CNTNAP2: variants seen among roughly 807,000 people sequenced by gnomAD.
CNTNAP2 encodes the protein contactin associated protein 2.
A neutral mutation model predicts 155.2 loss-of-function variants in CNTNAP2; 98 were observed. That is an observed-to-expected ratio of 0.63 (90% confidence interval 0.54 to 0.75). CNTNAP2 has a LOEUF of 0.75. Ranked by LOEUF, CNTNAP2 falls within the 30% of genes least tolerant of loss-of-function variation. The pLI is 0.00. For missense variants in CNTNAP2, 1,727 were observed against 1,688.1 expected, an observed-to-expected ratio of 1.02 and a Z score of -0.40; for synonymous variants, 651 against 631.2, an observed-to-expected ratio of 1.03 and a Z score of -0.47.
At chr7:147,665,035 CAA>C (rs373896154) in intron 13 of CNTNAP2, among the ~76,000 whole-genome samples, 12 of 152,134 alleles carry the variant, frequency 7.9e-5, no homozygotes, top group African/African-American at 2.9e-4. Context: ...GTTGTAGATG[CAA>C]AGTTTGATTG....
intron 3 of CNTNAP2, among the ~76,000 whole-genome samples, chr7:146,853,647 T>C (rs1308688306): frequency 6.6e-6 from 1 of 152,206 alleles, no homozygotes; most frequent in East Asian, 1.9e-4. Context: ...CCAGGCTTTT[T>C]CCTTGGCTTT....
At chr7:147,325,031 C>T (rs1795426184) in intron 9 of CNTNAP2, among the ~76,000 whole-genome samples, 1 of 152,286 alleles carries the variant, frequency 6.6e-6, no homozygotes, top group African/African-American at 2.4e-5. Context: ...AGGCCTGGCA[C>T]AGTGGCTCAT....
intron 14 of CNTNAP2, among the ~76,000 whole-genome samples, chr7:147,951,079 T>C (rs1800922610): frequency 6.6e-6 from 1 of 152,182 alleles, no homozygotes; most frequent in South Asian, 2.1e-4. Context: ...ATCTGTATAC[T>C]CCTATCTTGG....
At chr7:146,187,446 A>G (rs1584793169) in intron 1 of CNTNAP2, among the ~76,000 whole-genome samples, 1 of 152,220 alleles carries the variant, frequency 6.6e-6, no homozygotes, top group Non-Finnish European at 1.5e-5. Context: ...ATTCTACTCC[A>G]TAGCACATAC....
intron 1 of CNTNAP2, among the ~76,000 whole-genome samples, chr7:146,420,364 C>T (rs1421624158): frequency 6.6e-6 from 1 of 152,018 alleles, no homozygotes; most frequent in African/African-American, 2.4e-5. Context: ...TCTGTCTCCC[C>T]CGTCACTGCC....
At chr7:146,410,985 C>T (rs1795856951) in intron 1 of CNTNAP2, among the ~76,000 whole-genome samples, 1 of 152,106 alleles carries the variant, frequency 6.6e-6, no homozygotes, top group African/African-American at 2.4e-5. Context: ...GGTATAAATA[C>T]CAAATTCTCT....
intron 3 of CNTNAP2, among the ~76,000 whole-genome samples, chr7:146,895,846 A>C (rs1037706881): frequency 1.3e-5 from 2 of 152,100 alleles, no homozygotes; most frequent in African/African-American, 4.8e-5. Flanking sequence ...TCAGTCCCCG[A>C]CGGCATAAAT....
intron 13 of CNTNAP2, among the ~76,000 whole-genome samples, chr7:147,678,633 A>ATTC (rs199510049): frequency 0.016 from 2,482 of 151,962 alleles, 219 homozygotes; most frequent in Admixed American, 0.15. Flanking sequence ...TTTGGTTAAA[A>ATTC]TTCTCCCTTA....
intron 1 of CNTNAP2, among the ~76,000 whole-genome samples, chr7:146,332,533 G>A (rs958217677): frequency 6.6e-5 from 10 of 152,062 alleles, no homozygotes; most frequent in East Asian, 1.9e-4. Flanking sequence ...TAGTCAATCC[G>A]AAATCAGCAG....
intron 1 of CNTNAP2, among the ~76,000 whole-genome samples, chr7:146,337,251 A>T (rs949405720): frequency 2.6e-5 from 4 of 151,726 alleles, no homozygotes; most frequent in African/African-American, 9.7e-5. Flanking sequence ...ATATGTACAA[A>T]TTTGGGTCCT....
At chr7:148,347,594 A>G (rs1798349549) in intron 21 of CNTNAP2, among the ~76,000 whole-genome samples, 1 of 152,252 alleles carries the variant, frequency 6.6e-6, no homozygotes, top group Admixed American at 6.5e-5. Context: ...TTTCAGAGCC[A>G]AAATTATATT....
chr7:146,721,042 C>CTCTATATATACTCTATATATAT (rs1801288146), intron 1 of CNTNAP2, among the ~76,000 whole-genome samples: 1 of 115,792 alleles, frequency 8.6e-6, no homozygotes, highest in African/African-American at 4.6e-5. Flanking sequence ...TCTATATATT[C>CTCTATATATACTCTATATATAT]TATATATATA....
At chr7:146,925,960 A>C (rs1474285466) in intron 3 of CNTNAP2, among the ~76,000 whole-genome samples, 2 of 152,108 alleles carry the variant, frequency 1.3e-5, no homozygotes, top group Non-Finnish European at 2.9e-5. Context: ...TTTTGTGCAG[A>C]AGCAATTGTA....
intron 14 of CNTNAP2, among the ~76,000 whole-genome samples, chr7:147,922,673 T>C (rs961516925): frequency 2.6e-5 from 4 of 152,192 alleles, no homozygotes; most frequent in Admixed American, 6.5e-5. Context: ...CTCAAACTAC[T>C]CATAACGTTT....
intron 1 of CNTNAP2, among the ~76,000 whole-genome samples, chr7:146,499,229 C>T (rs1306126282): frequency 2.6e-5 from 4 of 152,160 alleles, no homozygotes; most frequent in Admixed American, 2.6e-4. Context: ...CTTGCCCAGG[C>T]TGGAGTGCAG....
At chr7:147,578,154 T>G (rs547070875) in intron 12 of CNTNAP2, among the ~76,000 whole-genome samples, 130 of 152,304 alleles carry the variant, frequency 8.5e-4, no homozygotes, top group African/African-American at 3.0e-3. Context: ...ATGGTGATTT[T>G]TTTAATCAGT....
At chr7:147,906,468 A>G (rs1209930932) in intron 14 of CNTNAP2, among the ~76,000 whole-genome samples, 4 of 151,924 alleles carry the variant, frequency 2.6e-5, no homozygotes, top group African/African-American at 9.7e-5. Context: ...ATGCCTGGCC[A>G]AGATAGATCT....
intron 20 of CNTNAP2, among the ~76,000 whole-genome samples, chr7:148,264,978 C>G (rs1159287819): frequency 6.6e-6 from 1 of 152,228 alleles, no homozygotes; most frequent in Non-Finnish European, 1.5e-5. Flanking sequence ...CAGGCGTAAG[C>G]CACTGCCCTG....
At chr7:147,454,158 CACTG>C (rs765004180) in intron 10 of CNTNAP2, among the ~76,000 whole-genome samples, 4 of 152,174 alleles carry the variant, frequency 2.6e-5, no homozygotes, top group Non-Finnish European at 5.9e-5. Context: ...GCTAAGTAAG[CACTG>C]ACTCTCTGTT....
Sources: allele counts gnomAD v4.1 joint callset (sites outside exome capture counted in the v4.1 genomes callset), GRCh38; gene constraint gnomAD v4.1.1; transcripts MANE v1.5; gene names NCBI Gene and HGNC (gene_info 2026-07-23, HGNC 2026-07-21).